Variants in USP5 observed in about 807,000 individuals in gnomAD.
USP5 encodes ubiquitin carboxyl-terminal hydrolase 5.
A neutral mutation model predicts 102.5 loss-of-function variants in USP5; 24 were observed. The ratio of observed to expected loss-of-function variants is 0.23; its 90% CI spans 0.17 to 0.33. The LOEUF (loss-of-function observed/expected upper bound fraction) is 0.33, where lower values mean the gene tolerates loss of function less well. USP5 is among the 10% of genes least tolerant of loss of function. USP5 has a pLI of 1.00. For missense variants in USP5, 753 were observed against 1,122.1 expected (o/e 0.67, Z 4.70); for synonymous variants, 460 against 434.8 (o/e 1.06, Z -0.72).
At chr12:6,859,670 T>G (rs1300158583) in intron 9 of USP5, 129 bp downstream of exon 9, 2 of 938,864 alleles carry the variant, frequency 2.1e-6, no homozygotes, top group Non-Finnish European at 3.4e-6. Flanking sequence ...GTTTTGTTTT[T>G]TGAGACGGAG....
Position 6,866,159 on chromosome 12 carries a change from C to T in USP5, c.*82C>T, listed in dbSNP as rs1222460373. 19 of 1,290,036 alleles carry T rather than the reference C, an allele frequency of 1.5e-5. No homozygotes were observed. The highest frequency in any genetic ancestry group is 2.1e-5 in the Non-Finnish European group (19 of 897,260). 79.9% of individuals were successfully genotyped at this position (1,290,036 alleles called of 1,614,324 possible). On this transcript the variant is annotated 3_prime_UTR_variant, in exon 20 of 20. Transcript: ENST00000229268. This position sits in a 1 kb window ranked among gnomAD's most constrained non-coding sequence, Gnocchi z 4.7. ...GAGGGGCTGAGGGATGGACTTCAGC[C>T]CCTCTGCTCTGTACCCTTTTTCCTT... is the stretch of plus-strand genomic sequence containing the variant.
At position 6,858,787 on chromosome 12, in the gene USP5, G is replaced by T; in HGVS notation, c.1058+170G>T. The T allele has an allele frequency of 1.7e-6, 1 of 575,346 alleles. No homozygotes were observed. 35.6% of individuals were successfully genotyped at this position (575,346 alleles called of 1,614,324 possible). A position where few individuals can be genotyped will look rare whatever the true frequency, so the allele number is the denominator to read the frequency against. On this transcript the variant is annotated intron_variant, in intron 8 of 19. Transcript: ENST00000229268. The surrounding 1 kb of genome is among the most constrained non-coding windows in gnomAD (Gnocchi z 4.2). The stretch of plus-strand genomic sequence containing the variant: ...TAATCCCAGTACTTCGGGAGGCCAA[G>T]ATGGGAGAATTGCTTGAGCCCAGGA...
Position 6,864,888 on chromosome 12 carries a change from A to T in USP5, c.2398+13A>T, listed in dbSNP as rs1591612003. 5.0e-6 allele frequency: 8 copies of T among 1,611,742 alleles called. No individual in the cohort carries two copies. In the East Asian group the frequency reaches 1.8e-4, roughly 36 times the overall value. ...GATGGTCCTGGAAGTGAGTATCCCC[A>T]GGAAGCAGGACAGGCCTGGTGGAAT... On this transcript the variant is annotated intron_variant, in intron 18 of 19. Transcript: ENST00000229268. This position sits in a 1 kb window ranked among gnomAD's most constrained non-coding sequence, Gnocchi z 4.8.
intron 19 of USP5, among the ~76,000 whole-genome samples, 175 bp from the exon 20 acceptor site, chr12:6,865,807 TCC>T (rs1944428626): frequency 6.6e-6 from 1 of 152,004 alleles, no homozygotes; most frequent in Non-Finnish European, 1.5e-5. Context: ...CATAATAGGG[TCC>T]GTGACCCTTG....
chr12:6,860,075 G>A lies in USP5; in HGVS notation c.1131-76G>A, dbSNP rs1471319251. 2.3e-5 allele frequency: 35 copies of A among 1,527,162 alleles called. No homozygotes were observed. Among genetic ancestry groups the A allele is most frequent in the Admixed American group, 1.6e-4 (8 of 48,748 alleles). The allele number at this position is 1,527,162 out of a possible 1,614,324, so 94.6% of individuals were successfully genotyped here. On this transcript the variant is annotated intron_variant, in intron 9 of 19. Coordinates refer to ENST00000229268, the MANE Select transcript of USP5 (RefSeq NM_001098536.2). This position sits in a 1 kb window ranked among gnomAD's most constrained non-coding sequence, Gnocchi z 5.5. The stretch of plus-strand genomic sequence containing the variant: ...TTGAGAGTTAGCTAGGGAGAGCCAC[G>A]AGCAGGGGGTTGAGCTGGGGACACA...
Position 6,861,628 on chromosome 12 carries a change from T to C in USP5, c.1673+11T>C. The C allele has an allele frequency of 1.3e-6, 2 of 1,540,010 alleles. No homozygotes were observed. The highest frequency in any genetic ancestry group is 1.8e-6 in the Non-Finnish European group (2 of 1,139,950). ...GTCAGTAGCTGTCAAGTAAGTCCTC[T>C]GGTCGGGGCCTGAGGCTGTGGGTCT... is the stretch of plus-strand genomic sequence containing the variant. On this transcript the variant is annotated intron_variant, in intron 13 of 19. Coordinates refer to ENST00000229268, the MANE Select transcript of USP5 (RefSeq NM_001098536.2). The surrounding 1 kb of genome is among the most constrained non-coding windows in gnomAD (Gnocchi z 4.9).
chr12:6,855,454 A>C lies in USP5; in HGVS notation c.165A>C (p.Lys55Asn). The C allele has an allele frequency of 6.2e-7, 1 of 1,614,160 alleles. No homozygotes were observed. The highest frequency in any genetic ancestry group is 1.1e-5 in the South Asian group (1 of 91,070). Residue 55 changes from lysine to asparagine, a missense_variant, in exon 2 of 20, where the codon AAA (lysine) becomes AAC (asparagine). By Grantham distance (94) the Lys-to-Asn change is moderately conservative. Around this residue, in one of 3 missense-constraint regions of USP5, gnomAD observed 527 missense variants for 816.5 expected, o/e 0.65. Coordinates refer to ENST00000229268, the MANE Select transcript of USP5 (RefSeq NM_001098536.2). This position sits in a 1 kb window ranked among gnomAD's most constrained non-coding sequence, Gnocchi z 4.6. ...TGAACACGTTTCTGGGCTTTGGGAA[A>C]CAGTATGTGGAGAGACATTTCAATA... is the stretch of plus-strand genomic sequence containing the variant. Reference protein sequence around the residue: ...ICMNTFLGFGKQYVERHFNKT... With the variant: ...ICMNTFLGFGNQYVERHFNKT...
Position 6,864,287 on chromosome 12 carries a change from C to T in USP5, c.2244+92C>T. On this transcript the variant is annotated intron_variant, in intron 17 of 19. Coordinates refer to ENST00000229268, the MANE Select transcript of USP5 (RefSeq NM_001098536.2). The surrounding 1 kb of genome is among the most constrained non-coding windows in gnomAD (Gnocchi z 4.8). Reference sequence around the variant, plus strand: ...CCTTCTTGAGCAAGACCAAAGACAACAGGTGTGGTCTGGCCGAGGTTGGGC... The same window carrying T: ...CCTTCTTGAGCAAGACCAAAGACAATAGGTGTGGTCTGGCCGAGGTTGGGC... 6.8e-7 allele frequency: 1 copy of T among 1,472,268 alleles called. No homozygotes were observed. Among genetic ancestry groups the T allele is most frequent in the Non-Finnish European group, 9.0e-7 (1 of 1,113,352 alleles). The allele number at this position is 1,472,268 out of a possible 1,614,324, so 91.2% of individuals were successfully genotyped here.
chr12:6,852,699 G>C (rs1387470619), intron 1 of USP5, among the ~76,000 whole-genome samples: 1 of 152,214 alleles, frequency 6.6e-6, no homozygotes, highest in Non-Finnish European at 1.5e-5. Flanking sequence ...ACTCCCCACT[G>C]TTCTCGGCCG....
In USP5 at chr12:6,863,258, A is replaced by T. The variant is rs1555129942; in HGVS notation, c.1835A>T (p.Glu612Val). Residue 612 changes from glutamate (E) to valine (V), a missense_variant, in exon 15 of 20, where the codon GAG becomes GTG. By Grantham distance (121) the Glu-to-Val change is moderately radical (BLOSUM62 -2). Coordinates refer to ENST00000229268, the MANE Select transcript of USP5 (RefSeq NM_001098536.2). This position sits in a 1 kb window ranked among gnomAD's most constrained non-coding sequence, Gnocchi z 4.7. ...GGCACAGGGCTGCAGCCCGGAGAGGAGGAGCTGCCAGACATTGCCCCACCC... is the reference window on the plus strand; with the variant it reads ...GGCACAGGGCTGCAGCCCGGAGAGGTGGAGCTGCCAGACATTGCCCCACCC... The part of the protein sequence containing the change: ...LRGTGLQPGE[E>V]ELPDIAPPLV... 6.2e-7 allele frequency: 1 copy of T among 1,613,978 alleles called. No individual in the cohort carries two copies. Among genetic ancestry groups the T allele is most frequent in the East Asian group, 2.2e-5 (1 of 44,890 alleles).
chr12:6,856,087 G>A lies in USP5; in HGVS notation c.375G>A (p.Leu125=), dbSNP rs781837325. Residue 125 remains leucine (L), a synonymous_variant, in exon 4 of 20, where the codon TTG becomes TTA. Transcript: ENST00000229268. This position sits in a 1 kb window ranked among gnomAD's most constrained non-coding sequence, Gnocchi z 5.6. Reference sequence around the variant, plus strand: ...ACGAGGATGTGAAGATTGTCATTTTGCCAGATTACCTGGAGATTGCCCGGG... The same window carrying A: ...ACGAGGATGTGAAGATTGTCATTTTACCAGATTACCTGGAGATTGCCCGGG... The part of the protein sequence containing the change: ...ELDEDVKIVI[L]PDYLEIARDG... The A allele has an allele frequency of 2.9e-5, 47 of 1,614,086 alleles. No individual in the cohort carries two copies. Among genetic ancestry groups the A allele is most frequent in the Non-Finnish European group, 3.9e-5 (46 of 1,180,048 alleles).
In USP5 at chr12:6,855,741, C is replaced by T. The variant is rs1217817572; in HGVS notation, c.238-14C>T. 2 of 1,614,046 alleles carry T rather than the reference C, an allele frequency of 1.2e-6. No individual in the cohort carries two copies. Among genetic ancestry groups the T allele is most frequent in the East Asian group, 4.5e-5 (2 of 44,904 alleles). On this transcript the variant is annotated splice_polypyrimidine_tract_variant and intron_variant, in intron 2 of 19. Transcript: ENST00000229268. The surrounding 1 kb of genome is among the most constrained non-coding windows in gnomAD (Gnocchi z 4.6). ...GTGCTCATTGCTGATCCAGCCCTTC[C>T]TGCTTCTTTACAGAAAGAGGAGGAC...
In USP5 at chr12:6,866,277, C is replaced by CGGGGACGGGA. The variant is rs1485602533; in HGVS notation, c.*205_*214dup. ...GATAGACTCTGGGGATGGAGCAGGA[C>CGGGGACGGGA]GGGGACGGGAGGGGCCGGCCACCTG... On this transcript the variant is annotated 3_prime_UTR_variant, in exon 20 of 20. Coordinates refer to ENST00000229268, the MANE Select transcript of USP5 (RefSeq NM_001098536.2). The surrounding 1 kb of genome is among the most constrained non-coding windows in gnomAD (Gnocchi z 4.7). 1 of 573,428 alleles carries CGGGGACGGGA rather than the reference C, an allele frequency of 1.7e-6. No individual in the cohort carries two copies. The highest frequency in any genetic ancestry group is 1.9e-5 in the African/African-American group (1 of 53,472). 35.5% of individuals were successfully genotyped at this position (573,428 alleles called of 1,614,324 possible).
chr12:6,864,279 A>G lies in USP5; in HGVS notation c.2244+84A>G. The G allele has an allele frequency of 6.7e-7, 1 of 1,492,072 alleles. No homozygotes were observed. Among genetic ancestry groups the G allele is most frequent in the Middle Eastern group, 2.2e-4 (1 of 4,514 alleles). The allele number at this position is 1,492,072 out of a possible 1,614,324, so 92.4% of individuals were successfully genotyped here. A position where few individuals can be genotyped will look rare whatever the true frequency, so the allele number is the denominator to read the frequency against. On this transcript the variant is annotated intron_variant, in intron 17 of 19. Transcript: ENST00000229268. The surrounding 1 kb of genome is among the most constrained non-coding windows in gnomAD (Gnocchi z 4.8). ...GGGGCCATCCTTCTTGAGCAAGACCAAAGACAACAGGTGTGGTCTGGCCGA... is the reference window on the plus strand; with the variant it reads ...GGGGCCATCCTTCTTGAGCAAGACCGAAGACAACAGGTGTGGTCTGGCCGA...
chr12:6,863,768 AG>A lies in USP5; in HGVS notation c.1955-59del. 1 of 1,503,024 alleles carries A rather than the reference AG, an allele frequency of 6.7e-7. No homozygotes were observed. The highest frequency in any genetic ancestry group is 8.9e-7 in the Non-Finnish European group (1 of 1,123,382). The allele number at this position is 1,503,024 out of a possible 1,614,324, so 93.1% of individuals were successfully genotyped here. ...TTGGAAGAGGGCTGGGTCCTGGGGG[AG>A]GGAGGAGGAGCAAACAGTGGCCCAA... On this transcript the variant is annotated intron_variant, in intron 15 of 19. Coordinates refer to ENST00000229268, the MANE Select transcript of USP5 (RefSeq NM_001098536.2). The surrounding 1 kb of genome is among the most constrained non-coding windows in gnomAD (Gnocchi z 4.7).
chr12:6,864,681 T>C lies in USP5; in HGVS notation c.2245-41T>C, dbSNP rs781821230. 6.3e-7 allele frequency: 1 copy of C among 1,581,490 alleles called. No individual in the cohort carries two copies. Among genetic ancestry groups the C allele is most frequent in the Non-Finnish European group, 8.6e-7 (1 of 1,167,948 alleles). On this transcript the variant is annotated intron_variant, in intron 17 of 19. Transcript: ENST00000229268. This position sits in a 1 kb window ranked among gnomAD's most constrained non-coding sequence, Gnocchi z 4.8. ...TCCAGCCTGGGCGACAGAGCAAGAC[T>C]CCGTCTCAAGAAAAAAAGTAATGCT...
intron 13 of USP5, 41 bp from the exon 14 acceptor site, chr12:6,862,429 C>T (rs781899290): frequency 1.2e-5 from 19 of 1,584,586 alleles, no homozygotes; most frequent in Non-Finnish European, 1.6e-5. Context: ...GAGGAAAACC[C>T]TGGGGATTGT....
rs782287975 is a variant in USP5 at position 6,855,409 on chromosome 12, G to C, written c.120G>C (p.Glu40Asp). 13 of 1,614,130 alleles carry C rather than the reference G, an allele frequency of 8.1e-6. No individual in the cohort carries two copies. The South Asian group carries it at 1.4e-4, about 18-fold the overall frequency. The change falls in exon 2 of 20, where the codon GAG becomes GAC. Residue 40 changes from glutamate to aspartate, a missense_variant. Coordinates refer to ENST00000229268, the MANE Select transcript of USP5 (RefSeq NM_001098536.2). The surrounding 1 kb of genome is among the most constrained non-coding windows in gnomAD (Gnocchi z 4.6). ...TACCTCTTGTCCCACAGGAGTCTGA[G>C]GGGGGCCTCTACATCTGTATGAACA... ...CAFSFDTPES[E>D]GGLYICMNTF... is the part of the protein sequence containing the mutation.
At chr12:6,857,993 C>T (rs1300346970) in intron 7 of USP5, among the ~76,000 whole-genome samples, 3 of 152,036 alleles carry the variant, frequency 2.0e-5, no homozygotes, top group Non-Finnish European at 2.9e-5. Flanking sequence ...AGTCACATTC[C>T]CAGATAAATA....
Sources: allele counts gnomAD v4.1 joint callset (sites outside exome capture counted in the v4.1 genomes callset), GRCh38; gene constraint gnomAD v4.1.1; regional missense constraint gnomAD v4.1.1; non-coding constraint Gnocchi (gnomAD v3.1); transcripts MANE v1.5; gene names NCBI Gene and HGNC (gene_info 2026-07-23, HGNC 2026-07-21).